PM20D2: variants seen among roughly 807,000 people sequenced by gnomAD.
PM20D2 encodes peptidase M20 domain containing 2, also known as xaa-Arg dipeptidase.
In PM20D2, 33 loss-of-function variants were observed where a neutral mutation model predicts 42.9. That is an observed-to-expected ratio of 0.77 (90% CI 0.58 to 1.03). The LOEUF (loss-of-function observed/expected upper bound fraction) is 1.03, where lower values mean the gene tolerates loss of function less well. Ranked by LOEUF, PM20D2 falls within the 50% of genes least tolerant of loss-of-function variation. The pLI, the probability that PM20D2 is intolerant of heterozygous loss-of-function variation, is 0.00. For missense variants in PM20D2, 548 were observed against 557.0 expected (o/e 0.98, Z 0.16); for synonymous variants, 250 against 228.2 (o/e 1.10, Z -0.86).
chr6:89,105,387 T>C, the PM20D2 span: 2 of 1,568,442 alleles, frequency 1.3e-6, no homozygotes, highest in Non-Finnish European at 1.7e-6. Context: ...TGAAACTCAT[T>C]CTGCTGAATA....
chr6:89,146,335 A>G lies in PM20D2; in HGVS notation c.191A>G (p.His64Arg), dbSNP rs759200208. The G allele has an allele frequency of 1.5e-5, 24 of 1,570,106 alleles. No homozygotes were observed. In the South Asian group the frequency reaches 1.8e-4, roughly 12 times the overall value. The change falls in exon 1 of 7, where the codon CAC (histidine) becomes CGC (arginine). Residue 64 changes from histidine (H) to arginine (R), a missense_variant. Around this residue, in one of 3 missense-constraint regions of PM20D2, gnomAD observed 470 missense variants for 464.4 expected, o/e 1.01. Coordinates refer to ENST00000275072, the MANE Select transcript of PM20D2 (RefSeq NM_001010853.3). ...CACCATGCCCACCGCGTGCTGACGC[A>G]CTTCTTCGAGCGGGAGCCGCCCGCG... ...EEHHAHRVLT[H>R]FFEREPPAAS...
At chr6:89,129,588 ATTTTTTT>A in the PM20D2 span, among the ~76,000 whole-genome samples, 1 of 106,702 alleles carries the variant, frequency 9.4e-6, no homozygotes. Flanking sequence ...TCTGTTTCTA[ATTTTTTT>A]TTTTTTTTTT....
At chr6:89,120,337 CACTT>C in the PM20D2 span, among the ~76,000 whole-genome samples, 1,338 of 152,314 alleles carry the variant, frequency 8.8e-3, 16 homozygotes, top group African/African-American at 0.03. Flanking sequence ...TTGAAATCCT[CACTT>C]ACATCTGCAA....
At chr6:89,159,367 G>A (rs1771158423) in intron 5 of PM20D2, among the ~76,000 whole-genome samples, 1 of 152,172 alleles carries the variant, frequency 6.6e-6, no homozygotes, top group African/African-American at 2.4e-5. Flanking sequence ...ACTTACAGAA[G>A]AGAAGGAGGC....
At chr6:89,136,934 T>C in the PM20D2 span, among the ~76,000 whole-genome samples, 4 of 151,190 alleles carry the variant, frequency 2.6e-5, no homozygotes, top group African/African-American at 7.4e-5. Flanking sequence ...CATGTTGATA[T>C]CTTGTATGAG....
At chr6:89,159,973 A>G (rs561170674) in intron 5 of PM20D2, among the ~76,000 whole-genome samples, 7 of 151,960 alleles carry the variant, frequency 4.6e-5, no homozygotes, top group Non-Finnish European at 8.8e-5. Context: ...ACAGTAGGAT[A>G]AAGTGGCTGT....
Position 89,164,482 on chromosome 6 carries a change from T to A in PM20D2, c.*2219T>A, listed in dbSNP as rs142656876. On this transcript the variant is annotated 3_prime_UTR_variant, in exon 7 of 7. Transcript: ENST00000275072. ...AAGGAAGATTGTTGTAACAGAAGAGTGACAACCAATAGTTTTTTGATCATT... is the reference window on the plus strand; with the variant it reads ...AAGGAAGATTGTTGTAACAGAAGAGAGACAACCAATAGTTTTTTGATCATT... 1 of 152,678 alleles carries A rather than the reference T, an allele frequency of 6.5e-6. No homozygotes were observed. The highest frequency in any genetic ancestry group is 1.9e-4 in the East Asian group (1 of 5,184). The allele number at this position is 152,678 out of a possible 1,614,324, so 9.5% of individuals were successfully genotyped here. A position where few individuals can be genotyped will look rare whatever the true frequency, so the allele number is the denominator to read the frequency against.
rs752682596 is a variant in PM20D2, at chr6:89,149,247, A to G, written c.466-18A>G. On this transcript the variant is annotated intron_variant, in intron 1 of 6. Transcript: ENST00000275072. ...GAGGATTTTGTTGTTTTTCCCTGACATGAGTATTTCCTTCTAGGTAGTTGT... is the reference window on the plus strand; with the variant it reads ...GAGGATTTTGTTGTTTTTCCCTGACGTGAGTATTTCCTTCTAGGTAGTTGT... 1.9e-6 allele frequency: 3 copies of G among 1,610,296 alleles called. No homozygotes were observed. The highest frequency in any genetic ancestry group is 2.5e-6 in the Non-Finnish European group (3 of 1,178,362).
In PM20D2 at chr6:89,146,629, C is replaced by G; in HGVS notation, c.465+20C>G. 7.2e-7 allele frequency: 1 copy of G among 1,396,786 alleles called. No individual in the cohort carries two copies. The highest frequency in any genetic ancestry group is 9.2e-7 in the Non-Finnish European group (1 of 1,082,244). The allele number at this position is 1,396,786 out of a possible 1,614,324, so 86.5% of individuals were successfully genotyped here. ...GTGAAGGTGAGGTGGGGCCCGGGTG[C>G]GGGACCCTATCCGACTGCCCGGGTC... On this transcript the variant is annotated intron_variant, in intron 1 of 6. Coordinates refer to ENST00000275072, the MANE Select transcript of PM20D2 (RefSeq NM_001010853.3).
rs372156408 is a variant in PM20D2 at position 89,162,144 on chromosome 6, G to A, written c.1192G>A (p.Ala398Thr). Reference protein sequence around the residue: ...QEAQFYTLRTAKALAMTALDV... With the variant: ...QEAQFYTLRTTKALAMTALDV... ...AGCTCAGTTCTACACTCTGCGGACG[G>A]CCAAAGCTCTGGCAATGACGGCACT... Residue 398 changes from alanine (A) to threonine (T), a missense_variant, in exon 7 of 7, where the codon GCC becomes ACC. Physicochemically the swap from Ala to Thr is moderately conservative, Grantham distance 58. Transcript: ENST00000275072. 1 of 1,613,998 alleles carries A rather than the reference G, an allele frequency of 6.2e-7. No homozygotes were observed. The highest frequency in any genetic ancestry group is 1.3e-5 in the African/African-American group (1 of 74,928).
chr6:89,125,408 A>G, the PM20D2 span, among the ~76,000 whole-genome samples: 1 of 151,638 alleles, frequency 6.6e-6, no homozygotes, highest in African/African-American at 2.4e-5. Context: ...TGAACCTGGG[A>G]GGCGGAGGTT....
At chr6:89,112,739 T>C in the PM20D2 span, among the ~76,000 whole-genome samples, 1 of 152,150 alleles carries the variant, frequency 6.6e-6, no homozygotes, top group Non-Finnish European at 1.5e-5. Flanking sequence ...ATATAGCTTT[T>C]TCCTTTTTTC....
chr6:89,116,754 G>A, the PM20D2 span, among the ~76,000 whole-genome samples: 2 of 149,186 alleles, frequency 1.3e-5, no homozygotes, highest in Non-Finnish European at 3.0e-5. Flanking sequence ...CAGCCTGGGG[G>A]ACAAGAGCGA....
chr6:89,146,402 C>A lies in PM20D2; in HGVS notation c.258C>A (p.Ala86=). The A allele has an allele frequency of 6.5e-7, 1 of 1,527,666 alleles. No homozygotes were observed. The highest frequency in any genetic ancestry group is 1.4e-5 in the African/African-American group (1 of 71,450). The allele number at this position is 1,527,666 out of a possible 1,614,324, so 94.6% of individuals were successfully genotyped here. A position where few individuals can be genotyped will look rare whatever the true frequency, so the allele number is the denominator to read the frequency against. Residue 86 remains alanine (A), a synonymous_variant, in exon 1 of 7, where the codon GCC becomes GCA. Coordinates refer to ENST00000275072, the MANE Select transcript of PM20D2 (RefSeq NM_001010853.3). ...AVQPHYQLPT[A]FRAEWEPPEA... is the part of the protein sequence containing the mutation. ...AGCCGCACTACCAGCTGCCCACGGC[C>A]TTCCGCGCCGAGTGGGAGCCGCCGG...
the PM20D2 span, among the ~76,000 whole-genome samples, chr6:89,119,825 C>T: frequency 6.6e-6 from 1 of 152,204 alleles, no homozygotes; most frequent in Non-Finnish European, 1.5e-5. Context: ...GTCTCTCTCT[C>T]TTTTTATTTT....
chr6:89,099,450 ATGTGTGTATATATG>A, the PM20D2 span, among the ~76,000 whole-genome samples: 4 of 138,690 alleles, frequency 2.9e-5, no homozygotes, highest in East Asian at 2.4e-4. Flanking sequence ...ACACATATAT[ATGTGTGTATATATG>A]TGTGTGTATA....
the PM20D2 span, among the ~76,000 whole-genome samples, chr6:89,116,975 G>A: frequency 6.7e-6 from 1 of 150,060 alleles, no homozygotes. Context: ...AGGTAGAAAG[G>A]CTGGGGGGAA....
At position 89,149,409 on chromosome 6, in the gene PM20D2, C is replaced by T. The variant is rs2127775255; in HGVS notation, c.610C>T (p.His204Tyr). ...TGCTTATCTACCAGATATGGCTGAACATGAGTGAGTAATCAAGTTGAAGAT... is the reference window on the plus strand; with the variant it reads ...TGCTTATCTACCAGATATGGCTGAATATGAGTGAGTAATCAAGTTGAAGAT... ...NAAYLPDMAE[H>Y]DVTVKYYGKA... Residue 204 changes from histidine to tyrosine, a missense_variant, in exon 2 of 7, where the codon CAT becomes TAT. This residue lies in a region of PM20D2 where 470 missense variants were observed against 464.4 expected (regional missense o/e 1.01). Coordinates refer to ENST00000275072, the MANE Select transcript of PM20D2 (RefSeq NM_001010853.3). The T allele has an allele frequency of 2.5e-6, 4 of 1,613,622 alleles. No homozygotes were observed. Among genetic ancestry groups the T allele is most frequent in the Non-Finnish European group, 3.4e-6 (4 of 1,179,790 alleles).
chr6:89,146,575 T>C lies in PM20D2; in HGVS notation c.431T>C (p.Leu144Ser), dbSNP rs1016733043. ...GCCGCGCTGGGCGTGAGGGGGGCCT[T>C]AGAGGGCCTCCCCAGGCCGCCTCCG... ...AAAALGVRGA[L>S]EGLPRPPPPV... The change falls in exon 1 of 7, where the codon TTA becomes TCA. Residue 144 changes from leucine (L) to serine (S), a missense_variant. Coordinates refer to ENST00000275072, the MANE Select transcript of PM20D2 (RefSeq NM_001010853.3). The C allele has an allele frequency of 3.7e-5, 55 of 1,481,558 alleles. 1 individual carries two copies. In the Admixed American group the frequency reaches 1.3e-3, roughly 34 times the overall value. 91.8% of individuals were successfully genotyped at this position (1,481,558 alleles called of 1,614,324 possible).
Sources: allele counts gnomAD v4.1 joint callset (sites outside exome capture counted in the v4.1 genomes callset), GRCh38; gene constraint gnomAD v4.1.1; regional missense constraint gnomAD v4.1.1; transcripts MANE v1.5; gene names NCBI Gene and HGNC (gene_info 2026-07-23, HGNC 2026-07-21).